The following FAM107B variants were observed in gnomAD, a reference collection of about 807,000 sequenced individuals.
FAM107B encodes the protein protein FAM107B.
FAM107B carries 21 observed loss-of-function variants against 31.5 expected under a neutral mutation model. The ratio of observed to expected loss-of-function variants is 0.67; its 90% CI spans 0.47 to 0.96. FAM107B has a LOEUF of 0.96. FAM107B is among the 40% of genes least tolerant of loss of function. The probability of loss-of-function intolerance (pLI) is 0.00; values close to 1 mark genes in which losing one functional copy is unlikely to be tolerated. For missense variants in FAM107B, 452 were observed against 377.1 expected, an observed-to-expected ratio of 1.20 and a Z score of -1.64; for synonymous variants, 157 against 141.5, an observed-to-expected ratio of 1.11 and a Z score of -0.78.
intron 2 of FAM107B, among the ~76,000 whole-genome samples, chr10:14,535,962 C>A (rs1268704482): frequency 1.3e-5 from 2 of 152,220 alleles, no homozygotes; most frequent in Non-Finnish European, 2.9e-5. Context: ...GCCCAGCTCT[C>A]TGGCTATCCC....
chr10:14,611,513 T>C (rs1852725954), intron 2 of FAM107B, among the ~76,000 whole-genome samples: 1 of 86,592 alleles, frequency 1.2e-5, no homozygotes, highest in South Asian at 3.1e-4. Flanking sequence ...TATATATATA[T>C]ATATATATAT....
intron 1 of FAM107B, among the ~76,000 whole-genome samples, chr10:14,698,664 A>G (rs1471531076): frequency 6.6e-6 from 1 of 152,170 alleles, no homozygotes; most frequent in African/African-American, 2.4e-5. Context: ...TCAGCTCCAG[A>G]CCTGCCTGAC....
rs760394703 is a variant in FAM107B, at chr10:14,774,370, C to T, written c.294G>A (p.Ala98=). The change falls in exon 1 of 5, where the codon GCG becomes GCA. Residue 98 remains alanine, a synonymous_variant. Transcript: ENST00000181796. ...SANRNSSHRT[A]AQPAETPEDV... ...CTTCAGGCGTCTCCGCGGGCTGGGC[C>T]GCAGTGCGGTGACTTGAATTCCGAT... The T allele has an allele frequency of 1.2e-6, 2 of 1,614,184 alleles. No individual in the cohort carries two copies. The highest frequency in any genetic ancestry group is 1.1e-5 in the South Asian group (1 of 91,074).
intron 2 of FAM107B, among the ~76,000 whole-genome samples, chr10:14,602,085 C>T (rs899060983): frequency 7.9e-5 from 12 of 152,150 alleles, no homozygotes; most frequent in African/African-American, 2.9e-4. Flanking sequence ...ATTGGAGCTT[C>T]GTTTGACTTT....
At chr10:14,671,354 T>C (rs1854536084) in intron 1 of FAM107B, among the ~76,000 whole-genome samples, 1 of 152,210 alleles carries the variant, frequency 6.6e-6, no homozygotes, top group South Asian at 2.1e-4. Context: ...AACAGGGTTT[T>C]ATTGGGTGAA....
intron 2 of FAM107B, among the ~76,000 whole-genome samples, chr10:14,639,260 C>G (rs1406834990): frequency 1.3e-5 from 2 of 152,152 alleles, no homozygotes; most frequent in Non-Finnish European, 1.5e-5. Flanking sequence ...TTCCTCCAGG[C>G]AGCTTTCTCT....
At chr10:14,763,546 C>T (rs1833100424) in intron 1 of FAM107B, among the ~76,000 whole-genome samples, 1 of 152,208 alleles carries the variant, frequency 6.6e-6, no homozygotes, top group South Asian at 2.1e-4. Context: ...TGCACCAAGT[C>T]ACTTCTGCCT....
chr10:14,648,118 G>A (rs187885412), intron 2 of FAM107B, among the ~76,000 whole-genome samples: 55 of 152,078 alleles, frequency 3.6e-4, no homozygotes, highest in Admixed American at 8.5e-4. Flanking sequence ...CAGTCACTTC[G>A]GTATTTTCCA....
chr10:14,580,316 T>C (rs1294406537), intron 2 of FAM107B, among the ~76,000 whole-genome samples: 1 of 151,568 alleles, frequency 6.6e-6, no homozygotes, highest in African/African-American at 2.4e-5. Context: ...GCCGAGATCA[T>C]GCCACTGCAC....
chr10:14,768,561 T>C (rs555774727), intron 1 of FAM107B, among the ~76,000 whole-genome samples: 33 of 152,270 alleles, frequency 2.2e-4, no homozygotes, highest in South Asian at 1.5e-3. Flanking sequence ...TGTCAACAAA[T>C]GGTGCTGAGA....
chr10:14,531,539 GAAAAAA>G (rs59782461), intron 2 of FAM107B, among the ~76,000 whole-genome samples: 1 of 120,682 alleles, frequency 8.3e-6, no homozygotes, highest in Non-Finnish European at 1.8e-5. Flanking sequence ...TAAAAGAAAA[GAAAAAA>G]AAAAAAAAAA....
intron 2 of FAM107B, among the ~76,000 whole-genome samples, chr10:14,573,576 C>CAAAAAAAAAA (rs774786735): frequency 6.6e-5 from 8 of 122,036 alleles, no homozygotes; most frequent in African/African-American, 9.7e-5. Context: ...ATTAAAAATA[C>CAAAAAAAAAA]AAAAAAAAAA....
At chr10:14,735,586 C>G (rs2257172) in intron 1 of FAM107B, among the ~76,000 whole-genome samples, 1 of 152,080 alleles carries the variant, frequency 6.6e-6, no homozygotes, top group Non-Finnish European at 1.5e-5. Context: ...CAAAAGATAG[C>G]GTGCTTTAGA....
chr10:14,546,524 T>C (rs1383953769), intron 2 of FAM107B, among the ~76,000 whole-genome samples: 2 of 152,236 alleles, frequency 1.3e-5, no homozygotes, highest in Non-Finnish European at 2.9e-5. Flanking sequence ...CGTTTTAAGA[T>C]AGTACAGTCG....
intron 3 of FAM107B, chr10:14,522,225 A>C (rs1845726788): frequency 4.7e-6 from 3 of 637,964 alleles, no homozygotes; most frequent in African/African-American, 3.7e-5. Context: ...AGAGTACATA[A>C]AATCCATTCA....
intron 2 of FAM107B, among the ~76,000 whole-genome samples, chr10:14,552,393 T>C (rs1420614838): frequency 6.6e-6 from 1 of 151,902 alleles, no homozygotes; most frequent in Non-Finnish European, 1.5e-5. Context: ...ATAAACTTTC[T>C]AAAATATCTC....
At chr10:14,651,466 G>A (rs1380404201) in intron 2 of FAM107B, among the ~76,000 whole-genome samples, 2 of 152,104 alleles carry the variant, frequency 1.3e-5, no homozygotes, top group Non-Finnish European at 2.9e-5. Flanking sequence ...TGAGCCAGGC[G>A]TGGTGGTGCA....
At chr10:14,762,986 G>C (rs1219341020) in intron 1 of FAM107B, among the ~76,000 whole-genome samples, 7 of 152,090 alleles carry the variant, frequency 4.6e-5, no homozygotes, top group Admixed American at 1.3e-4. Context: ...ACAGAGGCCA[G>C]GCTTGGTGGC....
chr10:14,552,253 T>C (rs957366515), intron 2 of FAM107B, among the ~76,000 whole-genome samples: 2 of 152,190 alleles, frequency 1.3e-5, no homozygotes, highest in African/African-American at 4.8e-5. Context: ...GCCACTGTGA[T>C]GACCAAAGTC....
Sources: gnomAD v4.1 joint callset for allele counts (sites outside exome capture counted in the v4.1 genomes callset) on GRCh38, gnomAD v4.1.1 for gene constraint, MANE v1.5 for transcripts, NCBI Gene and HGNC (gene_info 2026-07-23, HGNC 2026-07-21) for gene names.